Variants in NVL observed in about 807,000 individuals in gnomAD.
NVL encodes nuclear VCP like, also known as nuclear valosin-containing protein-like.
A neutral mutation model predicts 110.2 loss-of-function variants in NVL; 84 were observed. That is an observed-to-expected ratio of 0.76 (90% CI 0.64 to 0.91). The LOEUF (loss-of-function observed/expected upper bound fraction) is 0.91, where lower values mean the gene tolerates loss of function less well. Among genes scored for constraint, NVL ranks in the 40% least tolerant of loss-of-function variants. NVL has a pLI of 0.00. For missense variants in NVL, 882 were observed against 1,035.9 expected (o/e 0.85, Z 2.04); for synonymous variants, 354 against 361.1 (o/e 0.98, Z 0.22).
chr1:224,266,236 CCT>C (rs1191907748), intron 18 of NVL, among the ~76,000 whole-genome samples: 5 of 152,126 alleles, frequency 3.3e-5, no homozygotes, highest in Non-Finnish European at 7.3e-5. Context: ...CAGGATCCCC[CCT>C]CTCTCTGCTT....
At chr1:224,265,270 C>T (rs147754446) in intron 18 of NVL, among the ~76,000 whole-genome samples, 4 of 151,714 alleles carry the variant, frequency 2.6e-5, no homozygotes, top group South Asian at 4.2e-4. Context: ...TTTGGGAGGC[C>T]GAGGAAGGCA....
intron 1 of NVL, among the ~76,000 whole-genome samples, chr1:224,326,977 A>G (rs557478574): frequency 3.6e-4 from 55 of 152,156 alleles, no homozygotes; most frequent in Non-Finnish European, 6.6e-4. Flanking sequence ...CCTCATCTCT[A>G]CAAAAAAATT....
At chr1:224,307,051 T>C (rs1205150867) in intron 6 of NVL, among the ~76,000 whole-genome samples, 1 of 152,232 alleles carries the variant, frequency 6.6e-6, no homozygotes, top group African/African-American at 2.4e-5. Context: ...ACATATGAAA[T>C]TCATTTAATA....
chr1:224,255,197 TTTTTTTTC>T (rs1273337868), intron 18 of NVL, among the ~76,000 whole-genome samples: 1 of 136,174 alleles, frequency 7.3e-6, no homozygotes. Context: ...TTTTTTTTTT[TTTTTTTTC>T]CTGAGACAGG....
At chr1:224,286,205 A>G in intron 14 of NVL, 75 bp from the exon 15 acceptor site, 1 of 1,086,562 alleles carries the variant, frequency 9.2e-7, no homozygotes, top group Non-Finnish European at 1.4e-6. Context: ...TTCCAGATAC[A>G]TATTTTATGG....
intron 10 of NVL, among the ~76,000 whole-genome samples, chr1:224,297,046 A>G (rs938331920): frequency 6.6e-6 from 1 of 152,232 alleles, no homozygotes; most frequent in Non-Finnish European, 1.5e-5. Flanking sequence ...GTTTCTACTA[A>G]CGTAAGAATC....
intron 15 of NVL, among the ~76,000 whole-genome samples, chr1:224,285,790 A>T (rs1488123143): frequency 6.6e-6 from 1 of 152,216 alleles, no homozygotes; most frequent in East Asian, 1.9e-4. Context: ...AGAAAATATA[A>T]TAATTGCATG....
intron 5 of NVL, among the ~76,000 whole-genome samples, chr1:224,310,104 T>A (rs1481471414): frequency 6.9e-6 from 1 of 144,260 alleles, no homozygotes; most frequent in Non-Finnish European, 1.5e-5. Context: ...TGAGCCGAGA[T>A]CGCACCACTG....
At position 224,233,326 on chromosome 1, in the gene NVL, T is replaced by C. The variant is rs1375948759; in HGVS notation, c.2367-37A>G. 2.7e-6 allele frequency: 4 copies of C among 1,509,246 alleles called. No individual in the cohort carries two copies. In the African/African-American group the frequency reaches 5.6e-5, roughly 21 times the overall value. 93.5% of individuals were successfully genotyped at this position (1,509,246 alleles called of 1,614,324 possible). A position where few individuals can be genotyped will look rare whatever the true frequency, so the allele number is the denominator to read the frequency against. The stretch of plus-strand genomic sequence containing the variant: ...TAATAGTTATCTACTTATTCTTAGA[T>C]ACTGCAAAATCCCAGAAAAAAACCC... On this transcript the variant is annotated intron_variant, in intron 20 of 22. Coordinates refer to ENST00000281701, the MANE Select transcript of NVL (RefSeq NM_002533.4).
intron 4 of NVL, among the ~76,000 whole-genome samples, chr1:224,314,383 G>A (rs573698472): frequency 6.6e-6 from 1 of 152,320 alleles, no homozygotes; most frequent in South Asian, 2.1e-4. Flanking sequence ...ACAGTAAAAT[G>A]GGGCTATCAC....
intron 10 of NVL, among the ~76,000 whole-genome samples, chr1:224,298,036 C>CACA (rs1668041616): frequency 1.5e-5 from 1 of 67,240 alleles, no homozygotes; most frequent in Non-Finnish European, 3.1e-5. Context: ...TACTCCATCT[C>CACA]AAAAAAAAAA....
rs772843150 is a variant in NVL at position 224,303,830 on chromosome 1, G to A, written c.853C>T (p.Arg285Cys). The A allele has an allele frequency of 1.7e-5, 28 of 1,613,434 alleles. No individual in the cohort carries two copies. Among genetic ancestry groups the A allele is most frequent in the Middle Eastern group, 1.6e-4 (1 of 6,080 alleles). ...KEVCKMLIHMRHPEVYHHLGV... is the reference protein window; with the variant it reads ...KEVCKMLIHMCHPEVYHHLGV... ...AGGTGGTGGTACACCTCCGGGTGAC[G>A]CATGTGTATGAGCATCTTGCAGACC... is the stretch of plus-strand genomic sequence containing the variant. The change falls in exon 9 of 23, where the codon CGT becomes TGT. Residue 285 changes from arginine to cysteine, a missense_variant. By Grantham distance (180) the Arg-to-Cys change is radical (BLOSUM62 -3). Around this residue, in one of 4 missense-constraint regions of NVL, gnomAD observed 416 missense variants for 499.3 expected, o/e 0.83. Coordinates refer to ENST00000281701, the MANE Select transcript of NVL (RefSeq NM_002533.4).
chr1:224,292,753 C>T (rs186427285), intron 12 of NVL, among the ~76,000 whole-genome samples: 1,974 of 145,764 alleles, frequency 0.014, 22 homozygotes, highest in Non-Finnish European at 0.02. Flanking sequence ...CATTAAATAC[C>T]TTTTTTTTTT....
chr1:224,239,209 T>C (rs10916544), intron 19 of NVL, among the ~76,000 whole-genome samples: 71,823 of 151,994 alleles, frequency 0.47, 17,128 homozygotes, highest in South Asian at 0.51. Flanking sequence ...ACAGTGCAAG[T>C]AACACTGGGC....
chr1:224,236,135 T>A (rs891652848), intron 20 of NVL, among the ~76,000 whole-genome samples: 2 of 152,156 alleles, frequency 1.3e-5, no homozygotes, highest in African/African-American at 4.8e-5. Flanking sequence ...TCAGATTTCC[T>A]GATGTTACTA....
At chr1:224,291,781 G>A (rs545442170) in intron 12 of NVL, among the ~76,000 whole-genome samples, 3 of 152,210 alleles carry the variant, frequency 2.0e-5, no homozygotes, top group Admixed American at 6.5e-5. Flanking sequence ...TGTCAGTTGG[G>A]GACTATCCGT....
chr1:224,297,394 A>G (rs1157699655), intron 10 of NVL, among the ~76,000 whole-genome samples: 1 of 152,212 alleles, frequency 6.6e-6, no homozygotes, highest in Middle Eastern at 3.2e-3. Flanking sequence ...AGAATAAGTT[A>G]AGATGTAAGG....
At chr1:224,274,784 C>A (rs552235376) in intron 17 of NVL, among the ~76,000 whole-genome samples, 1 of 152,290 alleles carries the variant, frequency 6.6e-6, no homozygotes, top group African/African-American at 2.4e-5. Context: ...GTACTCCGTA[C>A]TGAAATCTCT....
chr1:224,278,883 T>A (rs1269299309), intron 16 of NVL, among the ~76,000 whole-genome samples: 1 of 152,018 alleles, frequency 6.6e-6, no homozygotes, highest in Non-Finnish European at 1.5e-5. Flanking sequence ...CAGGTGTGCA[T>A]CTGGCTAATT....
Sources: gnomAD v4.1 joint callset for allele counts (sites outside exome capture counted in the v4.1 genomes callset) on GRCh38, gnomAD v4.1.1 for gene constraint, gnomAD v4.1.1 regional missense constraint, MANE v1.5 for transcripts, NCBI Gene and HGNC (gene_info 2026-07-23, HGNC 2026-07-21) for gene names.